The following PRRC2C variants were observed in gnomAD, a reference collection of about 807,000 sequenced individuals.
The protein encoded by PRRC2C is proline rich coiled-coil 2C.
In PRRC2C, 72 loss-of-function variants were observed where a neutral mutation model predicts 317.2. That is an observed-to-expected ratio of 0.23 (90% CI 0.19 to 0.28). The LOEUF (loss-of-function observed/expected upper bound fraction) is 0.28. Ranked by LOEUF, PRRC2C falls within the 10% of genes least tolerant of loss-of-function variation. The pLI is 1.00. For missense variants in PRRC2C, 3,074 were observed against 3,459.7 expected, an observed-to-expected ratio of 0.89 and a Z score of 2.80; for synonymous variants, 1,296 against 1,205.9, an observed-to-expected ratio of 1.07 and a Z score of -1.55.
At chr1:171,505,999 A>G (rs1296532783) in intron 1 of PRRC2C, among the ~76,000 whole-genome samples, 1 of 152,220 alleles carries the variant, frequency 6.6e-6, no homozygotes, top group Non-Finnish European at 1.5e-5. Flanking sequence ...GCAATAGACT[A>G]TACCATATAG....
chr1:171,527,243 C>T (rs1180200614), intron 10 of PRRC2C, among the ~76,000 whole-genome samples: 2 of 151,942 alleles, frequency 1.3e-5, no homozygotes, highest in Non-Finnish European at 2.9e-5. Context: ...AGCAGTTCTC[C>T]TGTCTCAGCC....
chr1:171,492,490 T>C (rs1448368214), intron 1 of PRRC2C, among the ~76,000 whole-genome samples: 1 of 152,094 alleles, frequency 6.6e-6, no homozygotes. Context: ...CCAGGAGTTG[T>C]GGAGGGTAGC....
At chr1:171,570,404 A>G (rs994687147) in intron 23 of PRRC2C, among the ~76,000 whole-genome samples, 2 of 152,190 alleles carry the variant, frequency 1.3e-5, no homozygotes, top group Non-Finnish European at 2.9e-5. Context: ...CAGTAGTACA[A>G]TCATCTTGTA....
Position 171,583,973 on chromosome 1 carries a change from T to C in PRRC2C, c.7427T>C (p.Met2476Thr). The change falls in exon 29 of 35, where the codon ATG (methionine) becomes ACG (threonine). Residue 2476 changes from methionine to threonine, a missense_variant. By Grantham distance (81) the Met-to-Thr change is moderately conservative (BLOSUM62 -1). Coordinates refer to ENST00000647382, the MANE Select transcript of PRRC2C (RefSeq NM_001387844.1). Reference protein sequence around the residue: ...LQPYRSQPAFMQSSLSQPSVV... With the variant: ...LQPYRSQPAFTQSSLSQPSVV... ...TTATGTAGATCTCAGCCAGCTTTTA[T>C]GCAAAGCAGTTTATCCCAGCCATCT... is the stretch of plus-strand genomic sequence containing the variant. 6.2e-7 allele frequency: 1 copy of C among 1,612,236 alleles called. No individual in the cohort carries two copies. The highest frequency in any genetic ancestry group is 8.5e-7 in the Non-Finnish European group (1 of 1,179,070).
intron 1 of PRRC2C, among the ~76,000 whole-genome samples, chr1:171,487,478 T>C (rs1438088300): frequency 3.3e-5 from 5 of 152,224 alleles, no homozygotes; most frequent in Non-Finnish European, 5.9e-5. Context: ...GTTTTGAAAG[T>C]TGTAAAAATG....
At position 171,503,300 on chromosome 1, in the gene PRRC2C, G is replaced by C. The variant is rs371272563; in HGVS notation, c.-57-8732G>C. Among the ~76,000 whole-genome samples, 50 of 152,176 alleles carry C rather than the reference G, an allele frequency of 3.3e-4. 1 individual carries two copies. In the South Asian group the frequency reaches 1.0e-2, roughly 30 times the overall value. On this transcript the variant is annotated intron_variant, in intron 1 of 34. Coordinates refer to ENST00000647382, the MANE Select transcript of PRRC2C (RefSeq NM_001387844.1). ...GCACTTTAGGAGGATGAGGCAGGTG[G>C]ATCATCTGAGGTCAGGAGTTCGAGA...
chr1:171,485,578 C>G lies in PRRC2C; in HGVS notation c.-215C>G, dbSNP rs745445810. Reference sequence around the variant, plus strand: ...TCGCTCGCTCCCCCTCGGAAAGCTGCGAAAGTGCTTTGGCGGTTTGTCCAT... The same window carrying G: ...TCGCTCGCTCCCCCTCGGAAAGCTGGGAAAGTGCTTTGGCGGTTTGTCCAT... On this transcript the variant is annotated 5_prime_UTR_variant, in exon 1 of 35. Coordinates refer to ENST00000647382, the MANE Select transcript of PRRC2C (RefSeq NM_001387844.1). The G allele has an allele frequency of 6.5e-5, 10 of 152,700 alleles. No homozygotes were observed. Among genetic ancestry groups the G allele is most frequent in the African/African-American group, 2.4e-4 (10 of 41,470 alleles). 9.5% of individuals were successfully genotyped at this position (152,700 alleles called of 1,614,324 possible).
chr1:171,587,331 G>A, intron 31 of PRRC2C, 110 bp downstream of exon 31: 1 of 1,025,584 alleles, frequency 9.8e-7, no homozygotes, highest in Non-Finnish European at 1.4e-6. Context: ...TTACCACCCT[G>A]CAAAAATCTC....
At chr1:171,577,797 A>G (rs1485391936) in intron 26 of PRRC2C, among the ~76,000 whole-genome samples, 160 bp downstream of exon 26, 3 of 40,730 alleles carry the variant, frequency 7.4e-5, no homozygotes, top group Non-Finnish European at 9.4e-5. Flanking sequence ...TTTTTTTTTG[A>G]GATGGTGTCT....
Position 171,524,832 on chromosome 1 carries a change from G to A in PRRC2C, c.1067G>A (p.Gly356Asp), listed in dbSNP as rs573339337. ...TTTTGATTTTTCAGTGAGGATCAAG[G>A]TTCAAAAGCCTCTGAAAACAACGAA... ...SPKENNSEDQGSKASENNENK... is the reference protein window; with the variant it reads ...SPKENNSEDQDSKASENNENK... The change falls in exon 10 of 35, where the codon GGT becomes GAT. Residue 356 changes from glycine to aspartate, a missense_variant. Physicochemically the swap from Gly to Asp is moderately conservative, Grantham distance 94. Around this residue, in one of 11 missense-constraint regions of PRRC2C, gnomAD observed 1,320 missense variants for 1,395.7 expected, o/e 0.95. Transcript: ENST00000647382. 67 of 1,569,888 alleles carry A rather than the reference G, an allele frequency of 4.3e-5. No homozygotes were observed. The East Asian group carries it at 1.0e-3, about 24-fold the overall frequency.
At chr1:171,507,056 A>T (rs1670385379) in intron 1 of PRRC2C, among the ~76,000 whole-genome samples, 1 of 151,486 alleles carries the variant, frequency 6.6e-6, no homozygotes, top group Non-Finnish European at 1.5e-5. Context: ...GGATTCAGTT[A>T]AGTTACTGGG....
chr1:171,557,571 C>T lies in PRRC2C; in HGVS notation c.5459C>T (p.Ser1820Leu). The change falls in exon 19 of 35, where the codon TCA becomes TTA. Residue 1820 changes from serine (S) to leucine (L), a missense_variant. Transcript: ENST00000647382. Reference sequence around the variant, plus strand: ...TCAGCCTCAGCCTCAGTCTCAGCTTCAGTTCCAGCCTCTACTTCAGCTGCA... The same window carrying T: ...TCAGCCTCAGCCTCAGTCTCAGCTTTAGTTCCAGCCTCTACTTCAGCTGCA... ...PVSASASVSA[S>L]VPASTSAAAI... The T allele has an allele frequency of 6.4e-7, 1 of 1,551,686 alleles. No individual in the cohort carries two copies. The highest frequency in any genetic ancestry group is 8.7e-7 in the Non-Finnish European group (1 of 1,146,980).
In PRRC2C at chr1:171,569,220, C is replaced by CT. The variant is rs1378741020; in HGVS notation, c.6651+888dup. ...CTATCAGACTAAAATGTTGATCATC[C>CT]TTTTTTTAAAAAAATCCTTTACAGA... On this transcript the variant is annotated intron_variant, in intron 23 of 34. Transcript: ENST00000647382. Among the ~76,000 whole-genome samples, 4 of 151,738 alleles carry CT rather than the reference C, an allele frequency of 2.6e-5. 1 individual carries two copies. The highest frequency in any genetic ancestry group is 7.3e-5 in the African/African-American group (3 of 41,330).
Position 171,500,464 on chromosome 1 carries a change from T to TCATA in PRRC2C, c.-57-11567_-57-11564dup, listed in dbSNP as rs147441380. Among the ~76,000 whole-genome samples the TCATA allele has an allele frequency of 3.8e-3, 583 of 152,250 alleles. 3 individuals carry two copies. Among genetic ancestry groups the TCATA allele is most frequent in the African/African-American group, 0.013 (532 of 41,526 alleles). ...CCCAGGCTTGAGTGGACTGGTGCAA[T>TCATA]CATAGCTCACTGCAGCCCTGAACTT... is the stretch of plus-strand genomic sequence containing the variant. On this transcript the variant is annotated intron_variant, in intron 1 of 34. Coordinates refer to ENST00000647382, the MANE Select transcript of PRRC2C (RefSeq NM_001387844.1).
chr1:171,549,103 A>G (rs1244521092), intron 17 of PRRC2C, among the ~76,000 whole-genome samples: 1 of 152,262 alleles, frequency 6.6e-6, no homozygotes, highest in East Asian at 1.9e-4. Context: ...GGGTCTACAT[A>G]AAACAGAGAC....
At chr1:171,491,581 C>T (rs962513240) in intron 1 of PRRC2C, among the ~76,000 whole-genome samples, 1 of 152,132 alleles carries the variant, frequency 6.6e-6, no homozygotes. Context: ...TTTAGAACAA[C>T]ATCAAAAACA....
intron 17 of PRRC2C, 22 bp downstream of exon 17, chr1:171,545,709 T>TTTTG (rs144272003): frequency 1.2e-6 from 1 of 804,366 alleles, no homozygotes; most frequent in Non-Finnish European, 1.7e-6. Context: ...GTTTCTTTCA[T>TTTTG]TTTATTTATT....
rs1416910865 is a variant in PRRC2C, at chr1:171,532,859, C to G, written c.1771C>G (p.Leu591Val). The G allele has an allele frequency of 3.8e-6, 6 of 1,595,684 alleles. No individual in the cohort carries two copies. Among genetic ancestry groups the G allele is most frequent in the Non-Finnish European group, 4.3e-6 (5 of 1,175,726 alleles). ...KMKEQEKECE[L>V]EKEREKLEEK... ...GAAAGAACAAGAAAAGGAATGTGAGCTGGAGAAGGAAAGGGAAAAATTAGA... is the reference window on the plus strand; with the variant it reads ...GAAAGAACAAGAAAAGGAATGTGAGGTGGAGAAGGAAAGGGAAAAATTAGA... The change falls in exon 12 of 35, where the codon CTG (leucine) becomes GTG (valine). Residue 591 changes from leucine to valine, a missense_variant. Physicochemically the swap from Leu to Val is conservative, Grantham distance 32. Around this residue, in one of 11 missense-constraint regions of PRRC2C, gnomAD observed 1,320 missense variants for 1,395.7 expected, o/e 0.95. Coordinates refer to ENST00000647382, the MANE Select transcript of PRRC2C (RefSeq NM_001387844.1).
At chr1:171,552,073 A>G (rs574443954) in intron 18 of PRRC2C, among the ~76,000 whole-genome samples, 1 of 152,310 alleles carries the variant, frequency 6.6e-6, no homozygotes, top group South Asian at 2.1e-4. Context: ...TTTTTACGAT[A>G]CTGATTCTTT....
Sources: gnomAD v4.1 joint callset for allele counts (sites outside exome capture counted in the v4.1 genomes callset) on GRCh38, gnomAD v4.1.1 for gene constraint, gnomAD v4.1.1 regional missense constraint, MANE v1.5 for transcripts, NCBI Gene and HGNC (gene_info 2026-07-23, HGNC 2026-07-21) for gene names.